The following CATSPERG variants were observed in gnomAD, a reference collection of about 807,000 sequenced individuals.
The protein encoded by CATSPERG is catsper channel auxiliary subunit gamma.
A neutral mutation model predicts 145.0 loss-of-function variants in CATSPERG; 115 were observed. That is an observed-to-expected ratio of 0.79 (90% confidence interval 0.68 to 0.93). The LOEUF (loss-of-function observed/expected upper bound fraction) is 0.93, where lower values mean the gene tolerates loss of function less well. Among genes scored for constraint, CATSPERG ranks in the 40% least tolerant of loss-of-function variants. The probability of loss-of-function intolerance (pLI) is 0.00; values close to 1 mark genes in which losing one functional copy is unlikely to be tolerated. For synonymous variants in CATSPERG, 588 were observed against 589.0 expected, an observed-to-expected ratio of 1.00 and a Z score of 0.02; for missense variants, 1,296 against 1,490.1, an observed-to-expected ratio of 0.87 and a Z score of 2.14.
chr19:38,355,800 G>C (rs900123225), intron 9 of CATSPERG, among the ~76,000 whole-genome samples: 1 of 152,144 alleles, frequency 6.6e-6, no homozygotes, highest in Admixed American at 6.5e-5. Context: ...GGATCCAGGG[G>C]CCCACAGGGT....
rs1158525255 is a variant in CATSPERG at position 38,344,901 on chromosome 19, A to ATTTTT, written c.669+552_669+556dup. ...CACACACATATATATATATATATAT[A>ATTTTT]TTTTTTTTTTTTTTTTTTTTTTTGA... On this transcript the variant is annotated intron_variant, in intron 6 of 28. Transcript: ENST00000409235. Among the ~76,000 whole-genome samples, 12 of 80,016 alleles carry ATTTTT rather than the reference A, an allele frequency of 1.5e-4. No individual in the cohort carries two copies. The East Asian group carries it at 1.5e-3, about 10-fold the overall frequency. The allele number at this position is 80,016 out of a possible 152,430, so 52.5% of individuals were successfully genotyped here. A position where few individuals can be genotyped will look rare whatever the true frequency, so the allele number is the denominator to read the frequency against.
chr19:38,365,682 A>G (rs1970435286), intron 22 of CATSPERG: 1 of 150,678 alleles, frequency 6.6e-6, no homozygotes, highest in Admixed American at 6.6e-5. Context: ...GGGAGAATAG[A>G]GTGAGCAACA....
intron 11 of CATSPERG, among the ~76,000 whole-genome samples, 161 bp downstream of exon 11, chr19:38,357,022 T>C (rs957901798): frequency 6.6e-6 from 1 of 152,110 alleles, no homozygotes; most frequent in African/African-American, 2.4e-5. Context: ...GGATATAGGC[T>C]TGGTGATCTG....
Position 38,356,730 on chromosome 19 carries a change from T to G in CATSPERG, c.1196-12T>G. On this transcript the variant is annotated splice_polypyrimidine_tract_variant and intron_variant, in intron 10 of 28. Coordinates refer to ENST00000409235, the MANE Select transcript of CATSPERG (RefSeq NM_021185.5). Reference sequence around the variant, plus strand: ...CCCTGGGGCGGCTCTGGACTGCCCCTTTCCCTCTCAGTTACCACCTGCTCC... The same window carrying G: ...CCCTGGGGCGGCTCTGGACTGCCCCGTTCCCTCTCAGTTACCACCTGCTCC... The G allele has an allele frequency of 1.2e-6, 2 of 1,613,902 alleles. No individual in the cohort carries two copies. The highest frequency in any genetic ancestry group is 1.7e-6 in the Non-Finnish European group (2 of 1,179,898).
At position 38,362,499 on chromosome 19, in the gene CATSPERG, G is replaced by C; in HGVS notation, c.2281G>C (p.Asp761His). The stretch of plus-strand genomic sequence containing the variant: ...CGAGCTGCCGGAGCGCATTTTCCTG[G>C]ACAAGGGCACTGAGTACAGCTTCGC... ...AYELPERIFL[D>H]KGTEYSFAIF... The change falls in exon 19 of 29, where the codon GAC (aspartate) becomes CAC (histidine). Residue 761 changes from aspartate to histidine, a missense_variant. Physicochemically the swap from Asp to His is moderately conservative, Grantham distance 81. Transcript: ENST00000409235. 1 of 1,613,938 alleles carries C rather than the reference G, an allele frequency of 6.2e-7. No individual in the cohort carries two copies.
At chr19:38,367,893 G>C in intron 25 of CATSPERG, 117 bp downstream of exon 25, 1 of 1,190,416 alleles carries the variant, frequency 8.4e-7, no homozygotes, top group Non-Finnish European at 1.2e-6. Flanking sequence ...CCTGCCCACA[G>C]TGGGGCTCTT....
intron 9 of CATSPERG, 109 bp downstream of exon 9, chr19:38,354,956 C>T (rs1256809838): frequency 1.5e-6 from 2 of 1,299,678 alleles, no homozygotes; most frequent in Admixed American, 2.2e-5. Context: ...TGAGGAGGGC[C>T]CCTAGGCTGA....
In CATSPERG at chr19:38,362,240, T is replaced by G. The variant is rs1970361347; in HGVS notation, c.2125T>G (p.Trp709Gly). 1 of 1,610,766 alleles carries G rather than the reference T, an allele frequency of 6.2e-7. No individual in the cohort carries two copies. The highest frequency in any genetic ancestry group is 8.5e-7 in the Non-Finnish European group (1 of 1,178,554). The change falls in exon 18 of 29, where the codon TGG becomes GGG. Residue 709 changes from tryptophan to glycine, a missense_variant. By Grantham distance (184) the Trp-to-Gly change is radical. Transcript: ENST00000409235. ...PYADPVHDPT[W>G]RWWANNKQDQ... ...CGCGGACCCGGTGCACGACCCCACC[T>G]GGCGCTGGTGGGCGAACAACAAACA...
chr19:38,352,781 CAGAG>C lies in CATSPERG; in HGVS notation c.997+350_997+353del, dbSNP rs139744456. 3.8e-3 allele frequency among the ~76,000 whole-genome samples: 569 copies of C among 151,054 alleles called. 3 individuals carry two copies. Among genetic ancestry groups the C allele is most frequent in the African/African-American group, 0.013 (549 of 41,152 alleles). Reference sequence around the variant, plus strand: ...GACAGACCAGACGGGGAGAGAAAGTCAGAGGGAGAGGGGCATGGCAAATCAGAAA... The same window carrying C: ...GACAGACCAGACGGGGAGAGAAAGTCGGAGAGGGGCATGGCAAATCAGAAA... On this transcript the variant is annotated intron_variant, in intron 8 of 28. Transcript: ENST00000409235.
rs1160130203 is a variant in CATSPERG, at chr19:38,364,354, A to C, written c.2476-537A>C. On this transcript the variant is annotated intron_variant, in intron 20 of 28. Coordinates refer to ENST00000409235, the MANE Select transcript of CATSPERG (RefSeq NM_021185.5). ...GCGACCGGACAGAGGCGCTCCTCACATCCCAGACGGGGCAGCGGGGCAGAG... is the reference window on the plus strand; with the variant it reads ...GCGACCGGACAGAGGCGCTCCTCACCTCCCAGACGGGGCAGCGGGGCAGAG... 2.0e-5 allele frequency among the ~76,000 whole-genome samples: 3 copies of C among 147,864 alleles called. No homozygotes were observed. The East Asian group carries it at 6.1e-4, about 30-fold the overall frequency.
Position 38,362,769 on chromosome 19 carries a change from C to G in CATSPERG, c.2412C>G (p.Pro804=), listed in dbSNP as rs771443919. The change falls in exon 20 of 29, where the codon CCC becomes CCG. Residue 804 remains proline (P), a synonymous_variant. Coordinates refer to ENST00000409235, the MANE Select transcript of CATSPERG (RefSeq NM_021185.5). The part of the protein sequence containing the change: ...QVDVGVVLAD[P]GCIEASVKQE... ...ACGTGGGCGTGGTGCTGGCCGACCC[C>G]GGCTGCATCGAGGCCTCGGTGAAGC... 1 of 1,613,980 alleles carries G rather than the reference C, an allele frequency of 6.2e-7. No homozygotes were observed. The highest frequency in any genetic ancestry group is 1.7e-5 in the Admixed American group (1 of 60,022).
In CATSPERG at chr19:38,362,804, T is replaced by C. The variant is rs1028334910; in HGVS notation, c.2447T>C (p.Leu816Pro). 6.8e-6 allele frequency: 11 copies of C among 1,613,340 alleles called. No individual in the cohort carries two copies. Among genetic ancestry groups the C allele is most frequent in the African/African-American group, 1.3e-5 (1 of 74,692 alleles). Residue 816 changes from leucine (L) to proline (P), a missense_variant, in exon 20 of 29, where the codon CTG becomes CCG. Coordinates refer to ENST00000409235, the MANE Select transcript of CATSPERG (RefSeq NM_021185.5). ...CIEASVKQEV[L>P]INRNSVLFSI... is the part of the protein sequence containing the mutation. ...GAGGCCTCGGTGAAGCAGGAGGTCC[T>C]GATTAATCGCAACTCGGTGCTATTT...
At chr19:38,336,217 G>A in intron 1 of CATSPERG, 1 of 456,572 alleles carries the variant, frequency 2.2e-6, no homozygotes, top group Non-Finnish European at 4.4e-6. Context: ...AGAAGGTGCC[G>A]GCTAAGAAGC....
In CATSPERG at chr19:38,362,694, C is replaced by T; in HGVS notation, c.2357-20C>T. ...CCTGTCTGTGAGGGAGGCCTTAACC[C>T]CGTTTACTGCCCGGAGCAGGCACCG... On this transcript the variant is annotated intron_variant, in intron 19 of 28. Coordinates refer to ENST00000409235, the MANE Select transcript of CATSPERG (RefSeq NM_021185.5). 6.2e-7 allele frequency: 1 copy of T among 1,613,118 alleles called. No individual in the cohort carries two copies. Among genetic ancestry groups the T allele is most frequent in the Non-Finnish European group, 8.5e-7 (1 of 1,179,240 alleles).
intron 20 of CATSPERG, 100 bp from the exon 21 acceptor site, chr19:38,364,791 C>T (rs922586327): frequency 3.2e-6 from 3 of 936,616 alleles, no homozygotes; most frequent in African/African-American, 1.6e-5. Flanking sequence ...TCCTACCAGC[C>T]ACCACCTCGC....
chr19:38,368,010 C>T (rs1320649608), intron 25 of CATSPERG, 38 bp from the exon 26 acceptor site: 2 of 1,593,634 alleles, frequency 1.3e-6, no homozygotes, highest in Non-Finnish European at 1.7e-6. Context: ...CCTACACCGC[C>T]CCCCAACCCC....
At chr19:38,362,960 C>A in intron 20 of CATSPERG, 128 bp downstream of exon 20, 1 of 670,796 alleles carries the variant, frequency 1.5e-6, no homozygotes, top group Non-Finnish European at 2.5e-6. Context: ...GCATTCTTGG[C>A]CTCCTGGGCT....
chr19:38,358,824 G>T (rs1016218021), intron 13 of CATSPERG, among the ~76,000 whole-genome samples: 2 of 151,986 alleles, frequency 1.3e-5, no homozygotes, highest in African/African-American at 4.8e-5. Flanking sequence ...GTGAGCAATA[G>T]ATGAGCAGTT....
At chr19:38,351,565 G>A (rs995851068) in intron 7 of CATSPERG, among the ~76,000 whole-genome samples, 5 of 150,734 alleles carry the variant, frequency 3.3e-5, no homozygotes, top group Non-Finnish European at 5.9e-5. Context: ...CCAAGATCAC[G>A]CCACTGCACT....
Sources: allele counts gnomAD v4.1 joint callset (sites outside exome capture counted in the v4.1 genomes callset), GRCh38; gene constraint gnomAD v4.1.1; transcripts MANE v1.5; gene names NCBI Gene and HGNC (gene_info 2026-07-23, HGNC 2026-07-21).